The following PADI1 variants were observed in gnomAD, a reference collection of about 807,000 sequenced individuals.
PADI1 encodes peptidyl arginine deiminase 1, also known as protein-arginine deiminase type-1.
In PADI1, 65 loss-of-function variants were observed where a neutral mutation model predicts 74.8. The ratio of observed to expected loss-of-function variants is 0.87; its 90% confidence interval spans 0.71 to 1.07. The LOEUF is 1.07. Ranked by LOEUF, PADI1 falls within the 50% of genes least tolerant of loss-of-function variation. The probability of loss-of-function intolerance (pLI) is 0.00; values close to 1 mark genes in which losing one functional copy is unlikely to be tolerated. For synonymous variants in PADI1, 371 were observed against 336.2 expected, an observed-to-expected ratio of 1.10 and a Z score of -1.13; for missense variants, 943 against 854.0, an observed-to-expected ratio of 1.10 and a Z score of -1.30.
intron 1 of PADI1, among the ~76,000 whole-genome samples, chr1:17,214,162 GA>G (rs913910158): frequency 3.3e-5 from 5 of 152,154 alleles, no homozygotes; most frequent in Non-Finnish European, 7.3e-5. Flanking sequence ...TCATCTCAGG[GA>G]ATCCCTCCAA....
intron 1 of PADI1, among the ~76,000 whole-genome samples, chr1:17,209,137 C>T (rs747282364): frequency 6.6e-6 from 1 of 152,134 alleles, no homozygotes; most frequent in Non-Finnish European, 1.5e-5. Context: ...ATGTGTACAT[C>T]GAGTAAATTA....
In PADI1 at chr1:17,240,631, C is replaced by T. The variant is rs749117648; in HGVS notation, c.1633-4C>T. 1 of 1,613,724 alleles carries T rather than the reference C, an allele frequency of 6.2e-7. No homozygotes were observed. The highest frequency in any genetic ancestry group is 8.5e-7 in the Non-Finnish European group (1 of 1,179,720). On this transcript the variant is annotated splice_polypyrimidine_tract_variant and splice_region_variant and intron_variant, in intron 14 of 15. Transcript: ENST00000375471. ...CTGGGCTGCCCAGCTGCCTCCTTCC[C>T]CAGAAATGCATTGACTGGAACCGTA...
intron 13 of PADI1, among the ~76,000 whole-genome samples, chr1:17,239,110 G>A (rs1409626937): frequency 2.0e-5 from 3 of 152,180 alleles, no homozygotes; most frequent in African/African-American, 7.2e-5. Context: ...GCTTGGTCAG[G>A]GCCCCTCTGC....
chr1:17,207,711 G>T (rs2071720132), intron 1 of PADI1, among the ~76,000 whole-genome samples: 1 of 152,230 alleles, frequency 6.6e-6, no homozygotes, highest in Non-Finnish European at 1.5e-5. Flanking sequence ...AGTTGCCTGG[G>T]CTATTCATAG....
At chr1:17,239,929 C>T (rs1317284982) in intron 14 of PADI1, 146 bp downstream of exon 14, 1 of 650,274 alleles carries the variant, frequency 1.5e-6, no homozygotes, top group African/African-American at 1.8e-5. Context: ...GATAGAGCCT[C>T]TGCCTTCAGG....
At chr1:17,225,778 C>A in intron 4 of PADI1, 33 bp from the exon 5 acceptor site, 2 of 1,543,794 alleles carry the variant, frequency 1.3e-6, no homozygotes, top group African/African-American at 2.7e-5. Flanking sequence ...CTCCTGGGTC[C>A]CACTGATCCC....
At chr1:17,240,890 A>G in intron 15 of PADI1, 130 bp downstream of exon 15, 2 of 1,075,954 alleles carry the variant, frequency 1.9e-6, no homozygotes, top group Middle Eastern at 2.2e-4. Flanking sequence ...GTTTTTGTGA[A>G]TATAGAGAAC....
chr1:17,227,138 A>T lies in PADI1; in HGVS notation c.652+980A>T, dbSNP rs186261677. Among the ~76,000 whole-genome samples, 104 of 151,600 alleles carry T rather than the reference A, an allele frequency of 6.9e-4. 3 individuals carry two copies. The highest frequency in any genetic ancestry group is 2.4e-3 in the African/African-American group (100 of 41,312). On this transcript the variant is annotated intron_variant, in intron 6 of 15. Transcript: ENST00000375471. ...CTCAAACCCAGGAGGCAGAGGTTGC[A>T]GTGAACCAAGATCATGCCACTGCAC...
rs759103166 is a variant in PADI1, at chr1:17,224,421, G to A, written c.401G>A (p.Gly134Glu). Residue 134 changes from glycine to glutamate, a missense_variant, in exon 4 of 16, where the codon GGG (glycine) becomes GAG (glutamate). Transcript: ENST00000375471. ...ACAGGCAAGGTGAAGAGGAGCCAAGGGGACAAGGTGAGACCCTTCCGGGCA... is the reference window on the plus strand; with the variant it reads ...ACAGGCAAGGTGAAGAGGAGCCAAGAGGACAAGGTGAGACCCTTCCGGGCA... ...GRTGKVKRSQGDKKTWRWGPE... is the reference protein window; with the variant it reads ...GRTGKVKRSQEDKKTWRWGPE... The A allele has an allele frequency of 1.2e-6, 2 of 1,613,628 alleles. No individual in the cohort carries two copies. The highest frequency in any genetic ancestry group is 8.5e-7 in the Non-Finnish European group (1 of 1,179,716).
chr1:17,238,317 C>T (rs2100523151), intron 12 of PADI1, among the ~76,000 whole-genome samples: 1 of 152,384 alleles, frequency 6.6e-6, no homozygotes, highest in Non-Finnish European at 1.5e-5. Context: ...GCTGGGATTA[C>T]AGGCGTGAGC....
Position 17,222,420 on chromosome 1 carries a change from G to A in PADI1, c.223G>A (p.Asp75Asn). 6.2e-7 allele frequency: 1 copy of A among 1,614,102 alleles called. No individual in the cohort carries two copies. The highest frequency in any genetic ancestry group is 8.5e-7 in the Non-Finnish European group (1 of 1,179,944). Residue 75 changes from aspartate to asparagine, a missense_variant, in exon 2 of 16, where the codon GAC (aspartate) becomes AAC (asparagine). Asp to Asn is a conservative substitution (Grantham distance 23). Transcript: ENST00000375471. The part of the protein sequence containing the change: ...KARWPLDTDA[D>N]MVVSVGTASK... ...CCGTTGGCCGCTAGACACTGATGCA[G>A]ACATGGTCGTATCTGTGGGCACAGC...
Position 17,240,659 on chromosome 1 carries a change from G to A in PADI1, c.1657G>A (p.Val553Met), listed in dbSNP as rs2072755975. Residue 553 changes from valine to methionine, a missense_variant, in exon 15 of 16, where the codon GTG (valine) becomes ATG (methionine). Coordinates refer to ENST00000375471, the MANE Select transcript of PADI1 (RefSeq NM_013358.3). ...AQKCIDWNRNVLKRELGLAES... is the reference protein window; with the variant it reads ...AQKCIDWNRNMLKRELGLAES... The stretch of plus-strand genomic sequence containing the variant: ...GAAATGCATTGACTGGAACCGTAAT[G>A]TGCTGAAGCGGGAGCTGGGCCTGGC... 6.2e-7 allele frequency: 1 copy of A among 1,614,184 alleles called. No homozygotes were observed. Among genetic ancestry groups the A allele is most frequent in the Non-Finnish European group, 8.5e-7 (1 of 1,179,990 alleles).
intron 1 of PADI1, among the ~76,000 whole-genome samples, chr1:17,210,276 C>T (rs375781887): frequency 1.3e-5 from 2 of 152,128 alleles, no homozygotes; most frequent in East Asian, 1.9e-4. Context: ...TCTGCCTTAG[C>T]CCCCCAAGTA....
At chr1:17,243,113 C>T (rs867275214) in intron 15 of PADI1, among the ~76,000 whole-genome samples, 35 of 152,332 alleles carry the variant, frequency 2.3e-4, no homozygotes, top group Middle Eastern at 3.4e-3. Context: ...GAGCCGCCCT[C>T]TAGAGAGAAG....
intron 1 of PADI1, among the ~76,000 whole-genome samples, chr1:17,207,949 T>G (rs1051611856): frequency 6.6e-6 from 1 of 152,120 alleles, no homozygotes; most frequent in African/African-American, 2.4e-5. Flanking sequence ...AAGAGGGGCA[T>G]GGAATTGTCA....
intron 1 of PADI1, among the ~76,000 whole-genome samples, chr1:17,216,432 G>A (rs889621336): frequency 1.3e-5 from 2 of 152,150 alleles, no homozygotes; most frequent in Non-Finnish European, 2.9e-5. Flanking sequence ...TGCGAGTGAG[G>A]GAACAAGAGG....
intron 13 of PADI1, 85 bp from the exon 14 acceptor site, chr1:17,239,619 C>T: frequency 2.0e-6 from 2 of 1,021,512 alleles, no homozygotes; most frequent in Non-Finnish European, 3.1e-6. Context: ...GGAGGGAAAT[C>T]CTGGCCTGGA....
intron 2 of PADI1, 25 bp downstream of exon 2, chr1:17,222,495 A>G (rs763328313): frequency 1.7e-5 from 27 of 1,586,722 alleles, no homozygotes; most frequent in Non-Finnish European, 2.3e-5. Flanking sequence ...TCTCATAGAA[A>G]AGGGTTGGAT....
intron 1 of PADI1, among the ~76,000 whole-genome samples, chr1:17,214,338 G>GC (rs1409319529): frequency 6.6e-6 from 1 of 152,196 alleles, no homozygotes; most frequent in Non-Finnish European, 1.5e-5. Flanking sequence ...AGACCCCCCT[G>GC]CCCCCCGCCC....
Sources: allele counts gnomAD v4.1 joint callset (sites outside exome capture counted in the v4.1 genomes callset), GRCh38; gene constraint gnomAD v4.1.1; transcripts MANE v1.5; gene names NCBI Gene and HGNC (gene_info 2026-07-23, HGNC 2026-07-21).